GRIK2: variants seen among roughly 807,000 people sequenced by gnomAD.
GRIK2 encodes the protein glutamate receptor ionotropic, kainate 2.
Under a neutral mutation model 100.3 loss-of-function variants are expected in GRIK2, and 32 were observed. That is an observed-to-expected ratio of 0.32 (90% CI 0.24 to 0.43). The LOEUF is 0.43. Ranked by LOEUF, GRIK2 falls within the 20% of genes least tolerant of loss-of-function variation. GRIK2 has a pLI of 1.00. For missense variants in GRIK2, 843 were observed against 1,114.9 expected, an observed-to-expected ratio of 0.76 and a Z score of 3.47; for synonymous variants, 417 against 389.4, an observed-to-expected ratio of 1.07 and a Z score of -0.83.
chr6:101,962,490 G>A (rs6905888), intron 14 of GRIK2, among the ~76,000 whole-genome samples: 9 of 152,038 alleles, frequency 5.9e-5, no homozygotes, highest in African/African-American at 1.9e-4. Context: ...ACTTGAGAAG[G>A]GTGTATATTT....
intron 12 of GRIK2, among the ~76,000 whole-genome samples, chr6:101,894,445 G>A (rs1787309198): frequency 6.6e-6 from 1 of 151,614 alleles, no homozygotes; most frequent in Non-Finnish European, 1.5e-5. Context: ...GTGCTTTCTA[G>A]ACATAGAATG....
At chr6:101,541,001 A>G (rs1775955958) in intron 2 of GRIK2, among the ~76,000 whole-genome samples, 1 of 152,016 alleles carries the variant, frequency 6.6e-6, no homozygotes, top group African/African-American at 2.4e-5. Flanking sequence ...GCAAAATTTA[A>G]TGAAAAATGG....
At position 101,799,653 on chromosome 6, in the gene GRIK2, T is replaced by A; in HGVS notation, c.957T>A (p.Asp319Glu). 6.2e-7 allele frequency: 1 copy of A among 1,612,754 alleles called. No homozygotes were observed. Residue 319 changes from aspartate (D) to glutamate (E), a missense_variant, in exon 8 of 17, where the codon GAT becomes GAA. Asp to Glu is a conservative substitution (Grantham distance 45). This residue lies in a region of GRIK2 where 519 missense variants were observed against 643.8 expected (regional missense o/e 0.81). Transcript: ENST00000369134. Reference sequence around the variant, plus strand: ...CCCTTTCCCTTGCTTTTCAGACTGATGCTGCTCTAATGTATGATGCTGTGC... The same window carrying A: ...CCCTTTCCCTTGCTTTTCAGACTGAAGCTGCTCTAATGTATGATGCTGTGC... The part of the protein sequence containing the change: ...SGLLDGFMTT[D>E]AALMYDAVHV...
intron 14 of GRIK2, among the ~76,000 whole-genome samples, chr6:101,951,492 T>G (rs986726536): frequency 6.6e-6 from 1 of 152,176 alleles, no homozygotes; most frequent in Non-Finnish European, 1.5e-5. Flanking sequence ...TATTTTTGCT[T>G]TAGGTGTAGG....
At chr6:101,654,034 GTGAGGTCTC>G (rs1442066197) in intron 4 of GRIK2, among the ~76,000 whole-genome samples, 1 of 152,274 alleles carries the variant, frequency 6.6e-6, no homozygotes, top group East Asian at 1.9e-4. Flanking sequence ...CGTTTAAACT[GTGAGGTCTC>G]TATCATCCTG....
At chr6:101,432,290 C>A (rs1323244625) in intron 2 of GRIK2, among the ~76,000 whole-genome samples, 1 of 152,132 alleles carries the variant, frequency 6.6e-6, no homozygotes, top group Non-Finnish European at 1.5e-5. Flanking sequence ...TTTACTGTAA[C>A]CTTATGCTGT....
intron 2 of GRIK2, among the ~76,000 whole-genome samples, chr6:101,479,239 C>G (rs2128260190): frequency 6.6e-6 from 1 of 152,300 alleles, no homozygotes; most frequent in Admixed American, 6.5e-5. Flanking sequence ...TTTTAGCAGT[C>G]TGTACCATTT....
intron 2 of GRIK2, among the ~76,000 whole-genome samples, chr6:101,539,886 T>G (rs1043403968): frequency 6.6e-6 from 1 of 151,840 alleles, no homozygotes; most frequent in African/African-American, 2.4e-5. Flanking sequence ...CATGCCTCAG[T>G]TTTGTCGCAG....
At chr6:101,993,589 A>T (rs1461005263) in intron 14 of GRIK2, 1 of 150,916 alleles carries the variant, frequency 6.6e-6, no homozygotes, top group Non-Finnish European at 1.5e-5. Context: ...ATCTGTAACA[A>T]TATAGTACTT....
intron 10 of GRIK2, among the ~76,000 whole-genome samples, chr6:101,826,922 C>CT (rs1002407645): frequency 1.3e-4 from 20 of 151,700 alleles, no homozygotes; most frequent in African/African-American, 4.4e-4. Context: ...CAAAACTCAC[C>CT]TTTTTTTTCT....
intron 2 of GRIK2, among the ~76,000 whole-genome samples, chr6:101,485,911 T>G (rs547115051): frequency 1.4e-5 from 2 of 142,588 alleles, no homozygotes; most frequent in East Asian, 4.3e-4. Flanking sequence ...GTTGCACCAT[T>G]GCGCTTTTTT....
chr6:101,600,246 T>G (rs950558470), intron 2 of GRIK2, among the ~76,000 whole-genome samples: 2 of 151,928 alleles, frequency 1.3e-5, no homozygotes, highest in Admixed American at 6.6e-5. Context: ...TCCGTTCTTT[T>G]CCACTGGTCT....
At chr6:101,642,859 A>G (rs1048813919) in intron 4 of GRIK2, among the ~76,000 whole-genome samples, 5 of 151,656 alleles carry the variant, frequency 3.3e-5, no homozygotes, top group African/African-American at 1.2e-4. Context: ...AACAGTGCAC[A>G]AGAGTTCTAA....
At chr6:101,679,782 C>A (rs576716919) in intron 5 of GRIK2, among the ~76,000 whole-genome samples, 5 of 152,284 alleles carry the variant, frequency 3.3e-5, no homozygotes, top group Middle Eastern at 3.4e-3. Flanking sequence ...CTCTGTCGCC[C>A]AGGCTAAAGT....
intron 14 of GRIK2, among the ~76,000 whole-genome samples, chr6:101,984,655 A>C (rs186185458): frequency 2.4e-3 from 357 of 148,722 alleles, no homozygotes; most frequent in African/African-American, 6.8e-3. Flanking sequence ...ACACACACAC[A>C]CCCTTCAACT....
chr6:101,745,714 T>G (rs530266305), intron 7 of GRIK2, among the ~76,000 whole-genome samples: 1 of 152,274 alleles, frequency 6.6e-6, no homozygotes, highest in East Asian at 1.9e-4. Context: ...ACCTTAGCTC[T>G]TCAGGGTGCT....
At chr6:102,049,083 C>G (rs1186988623) in intron 15 of GRIK2, among the ~76,000 whole-genome samples, 1 of 151,908 alleles carries the variant, frequency 6.6e-6, no homozygotes, top group African/African-American at 2.4e-5. Flanking sequence ...TCTTATAACT[C>G]TTGTCCCACA....
intron 4 of GRIK2, among the ~76,000 whole-genome samples, chr6:101,628,865 T>G (rs994200653): frequency 6.6e-6 from 1 of 152,106 alleles, no homozygotes; most frequent in Admixed American, 6.6e-5. Context: ...AGAAGAAAAT[T>G]GACAAGTATT....
At chr6:102,049,604 T>C (rs1771069351) in intron 15 of GRIK2, among the ~76,000 whole-genome samples, 1 of 152,188 alleles carries the variant, frequency 6.6e-6, no homozygotes, top group South Asian at 2.1e-4. Flanking sequence ...ATATTTGATA[T>C]GTAGTATTAA....
Sources: allele counts gnomAD v4.1 joint callset (sites outside exome capture counted in the v4.1 genomes callset), GRCh38; gene constraint gnomAD v4.1.1; regional missense constraint gnomAD v4.1.1; transcripts MANE v1.5; gene names NCBI Gene and HGNC (gene_info 2026-07-23, HGNC 2026-07-21).